DACH1: variants seen among roughly 807,000 people sequenced by gnomAD.
DACH1 encodes dachshund homolog 1.
A neutral mutation model predicts 54.2 loss-of-function variants in DACH1; 12 were observed. That is an observed-to-expected ratio of 0.22 (90% CI 0.14 to 0.36). The LOEUF is 0.36. Among genes scored for constraint, DACH1 ranks in the 10% least tolerant of loss-of-function variants. The pLI, the probability that DACH1 is intolerant of heterozygous loss-of-function variation, is 1.00. For synonymous variants in DACH1, 386 were observed against 366.2 expected (o/e 1.05, Z -0.62); for missense variants, 805 against 929.8 (o/e 0.87, Z 1.75).
At chr13:71,669,753 G>A (rs1384750976) in intron 2 of DACH1, among the ~76,000 whole-genome samples, 2 of 152,170 alleles carry the variant, frequency 1.3e-5, no homozygotes, top group African/African-American at 2.4e-5. Context: ...GCTTGATGTA[G>A]GAATATAATC....
chr13:71,477,376 C>G (rs1423227554), intron 8 of DACH1, among the ~76,000 whole-genome samples: 1 of 151,748 alleles, frequency 6.6e-6, no homozygotes, highest in Non-Finnish European at 1.5e-5. Flanking sequence ...CCGTCTCGCC[C>G]TCCCAAAGTG....
Position 71,557,033 on chromosome 13 carries a change from T to C in DACH1, c.1561A>G (p.Ile521Val), listed in dbSNP as rs373896321. The part of the protein sequence containing the change: ...DMGHESKRMH[I>V]EKDETPLSTP... ...TATAATCATACATTACCTTTTTCAATATGCATCCTTTTTGACTCATGTCCC... is the reference window on the plus strand; with the variant it reads ...TATAATCATACATTACCTTTTTCAACATGCATCCTTTTTGACTCATGTCCC... The change falls in exon 6 of 11, where the codon ATT (isoleucine) becomes GTT (valine). Residue 521 changes from isoleucine to valine, a missense_variant. Transcript: ENST00000613252. 5 of 1,599,924 alleles carry C rather than the reference T, an allele frequency of 3.1e-6. No individual in the cohort carries two copies. The African/African-American group carries it at 6.8e-5, about 22-fold the overall frequency.
intron 1 of DACH1, among the ~76,000 whole-genome samples, chr13:71,837,488 T>C (rs1408871253): frequency 6.6e-6 from 1 of 152,148 alleles, no homozygotes; most frequent in African/African-American, 2.4e-5. Context: ...TACTCCTATT[T>C]ATCACCGCTT....
intron 1 of DACH1, among the ~76,000 whole-genome samples, chr13:71,853,344 T>G: frequency 6.6e-6 from 1 of 152,322 alleles, no homozygotes; most frequent in East Asian, 1.9e-4. Flanking sequence ...TCTGCTTTAC[T>G]TTAATGCATT....
intron 1 of DACH1, among the ~76,000 whole-genome samples, chr13:71,774,166 G>A (rs1885973573): frequency 6.6e-6 from 1 of 152,080 alleles, no homozygotes; most frequent in Admixed American, 6.6e-5. Context: ...TGCAGAATTA[G>A]TCAACTACAA....
intron 4 of DACH1, among the ~76,000 whole-genome samples, chr13:71,564,309 A>T (rs966065077): frequency 1.3e-5 from 2 of 152,094 alleles, no homozygotes; most frequent in African/African-American, 4.8e-5. Context: ...TAAGGGGCTG[A>T]AGCAGGACAG....
intron 10 of DACH1, among the ~76,000 whole-genome samples, chr13:71,446,120 C>T (rs980608216): frequency 6.6e-6 from 1 of 152,096 alleles, no homozygotes; most frequent in South Asian, 2.1e-4. Context: ...CCTCATTATT[C>T]GGAGGTGTGC....
intron 1 of DACH1, among the ~76,000 whole-genome samples, chr13:71,735,027 G>A (rs1310128728): frequency 6.9e-6 from 1 of 145,844 alleles, no homozygotes; most frequent in Non-Finnish European, 1.5e-5. Context: ...TACACACACA[G>A]GATATATATA....
chr13:71,548,210 CTTTG>C (rs1041529673), intron 6 of DACH1, among the ~76,000 whole-genome samples: 3 of 152,098 alleles, frequency 2.0e-5, no homozygotes, highest in African/African-American at 4.8e-5. Context: ...AGATAAAAAA[CTTTG>C]TTTGTAGAAA....
At chr13:71,501,482 AT>A (rs1435869174) in intron 6 of DACH1, among the ~76,000 whole-genome samples, 1 of 152,208 alleles carries the variant, frequency 6.6e-6, no homozygotes, top group Non-Finnish European at 1.5e-5. Flanking sequence ...AACATTAAAA[AT>A]ATGTACAGAT....
chr13:71,813,834 T>C (rs1887812039), intron 1 of DACH1, among the ~76,000 whole-genome samples: 1 of 152,052 alleles, frequency 6.6e-6, no homozygotes, highest in African/African-American at 2.4e-5. Flanking sequence ...AAGACATTAG[T>C]AGTGACCTCA....
chr13:71,477,970 A>G, intron 8 of DACH1, among the ~76,000 whole-genome samples: 1 of 152,198 alleles, frequency 6.6e-6, no homozygotes, highest in Non-Finnish European at 1.5e-5. Context: ...CAGAATGTAA[A>G]TCCTCCCAAA....
chr13:71,619,096 T>C (rs1876007526), intron 3 of DACH1, among the ~76,000 whole-genome samples: 1 of 151,092 alleles, frequency 6.6e-6, no homozygotes, highest in South Asian at 2.1e-4. Context: ...TCTAATTCTG[T>C]TTTATATATA....
chr13:71,764,523 C>T (rs1885535748), intron 1 of DACH1, among the ~76,000 whole-genome samples: 1 of 151,994 alleles, frequency 6.6e-6, no homozygotes, highest in Non-Finnish European at 1.5e-5. Context: ...GAAAAGAAAA[C>T]ATAAACAGCC....
chr13:71,557,234 T>A, intron 5 of DACH1, 76 bp from the exon 6 acceptor site: 2 of 1,370,144 alleles, frequency 1.5e-6, no homozygotes, highest in Non-Finnish European at 2.0e-6. Flanking sequence ...ATAAGTCAAT[T>A]AAACTCTCTT....
intron 5 of DACH1, among the ~76,000 whole-genome samples, chr13:71,559,081 CAA>C (rs1353738430): frequency 6.6e-6 from 1 of 151,892 alleles, no homozygotes; most frequent in Non-Finnish European, 1.5e-5. Flanking sequence ...AGTCATTTAT[CAA>C]AAGAACAATC....
intron 1 of DACH1, among the ~76,000 whole-genome samples, chr13:71,717,905 A>G (rs1368136890): frequency 6.6e-6 from 1 of 152,046 alleles, no homozygotes; most frequent in Non-Finnish European, 1.5e-5. Flanking sequence ...AAAAAAAAAC[A>G]CAGAAATCAA....
At chr13:71,450,105 C>T (rs1021443425) in intron 10 of DACH1, among the ~76,000 whole-genome samples, 3 of 150,482 alleles carry the variant, frequency 2.0e-5, no homozygotes, top group East Asian at 3.9e-4. Flanking sequence ...CTGTAAAACA[C>T]AGTTTGATAA....
intron 1 of DACH1, among the ~76,000 whole-genome samples, chr13:71,695,077 G>A (rs1229673425): frequency 6.6e-6 from 1 of 152,192 alleles, no homozygotes; most frequent in Admixed American, 6.5e-5. Flanking sequence ...ACATTAGAGA[G>A]AAGTCTAGAA....
Sources: allele counts gnomAD v4.1 joint callset (sites outside exome capture counted in the v4.1 genomes callset), GRCh38; gene constraint gnomAD v4.1.1; transcripts MANE v1.5; gene names NCBI Gene and HGNC (gene_info 2026-07-23, HGNC 2026-07-21).